Variants in RBFOX3 observed in about 807,000 individuals in gnomAD.
RBFOX3 encodes the protein RNA binding protein fox-1 homolog 3.
A neutral mutation model predicts 48.7 loss-of-function variants in RBFOX3; 17 were observed. The ratio of observed to expected loss-of-function variants is 0.35; its 90% CI spans 0.24 to 0.52. The LOEUF (loss-of-function observed/expected upper bound fraction) is 0.52. RBFOX3 is among the 20% of genes least tolerant of loss of function. The pLI is 0.94. For synonymous variants in RBFOX3, 212 were observed against 209.5 expected (o/e 1.01, Z -0.10); for missense variants, 382 against 497.5 (o/e 0.77, Z 2.21).
chr17:79,469,144 A>G (rs1158916428), intron 2 of RBFOX3, among the ~76,000 whole-genome samples: 3 of 76,674 alleles, frequency 3.9e-5, no homozygotes, highest in African/African-American at 2.7e-4. Context: ...AAATGTAGGG[A>G]AAAAACCCCT....
chr17:79,433,741 C>T (rs1194772215), intron 2 of RBFOX3, among the ~76,000 whole-genome samples: 1 of 151,710 alleles, frequency 6.6e-6, no homozygotes, highest in East Asian at 1.9e-4. Flanking sequence ...GGTGCGGTTG[C>T]TTCTTGACAT....
intron 2 of RBFOX3, among the ~76,000 whole-genome samples, chr17:79,452,933 G>A (rs527375919): frequency 1.3e-4 from 20 of 152,276 alleles, no homozygotes; most frequent in East Asian, 1.9e-4. Context: ...ACGGCCCCCC[G>A]GCCACCTGGA....
At chr17:79,303,140 A>T (rs926738956) in intron 3 of RBFOX3, among the ~76,000 whole-genome samples, 1 of 152,164 alleles carries the variant, frequency 6.6e-6, no homozygotes, top group Admixed American at 6.5e-5. Flanking sequence ...GCCTAGGGGT[A>T]GAGGCTGTAG....
chr17:79,522,541 G>A lies in RBFOX3; in HGVS notation c.-319-39943C>T, dbSNP rs1014212532. Among the ~76,000 whole-genome samples the A allele has an allele frequency of 5.3e-5, 8 of 152,136 alleles. No homozygotes were observed. The East Asian group carries it at 1.6e-3, about 30-fold the overall frequency. On this transcript the variant is annotated intron_variant, in intron 1 of 14. Coordinates refer to ENST00000693108, the MANE Select transcript of RBFOX3 (RefSeq NM_001350451.2). Reference sequence around the variant, plus strand: ...AGAGATCCTTAGTTGTATTAAGACGGCATCACATTTAAAGTCCTCTCACCC... The same window carrying A: ...AGAGATCCTTAGTTGTATTAAGACGACATCACATTTAAAGTCCTCTCACCC...
the RBFOX3 span, among the ~76,000 whole-genome samples, chr17:79,664,768 C>T: frequency 1.3e-5 from 2 of 152,104 alleles, no homozygotes; most frequent in Admixed American, 1.3e-4. Context: ...CATTAGATGA[C>T]ACCTCTTACT....
chr17:79,195,531 C>T lies in RBFOX3; in HGVS notation c.-34+40235G>A, dbSNP rs2055409517. Among the ~76,000 whole-genome samples, 1 of 152,208 alleles carries T rather than the reference C, an allele frequency of 6.6e-6. No individual in the cohort carries two copies. The highest frequency in any genetic ancestry group is 1.5e-5 in the Non-Finnish European group (1 of 68,048). On this transcript the variant is annotated intron_variant, in intron 4 of 14. Coordinates refer to ENST00000693108, the MANE Select transcript of RBFOX3 (RefSeq NM_001350451.2). This position sits in a 1 kb window ranked among gnomAD's most constrained non-coding sequence, Gnocchi z 5.3. ...TCTCCCCATCCCAAAACACAGACAC[C>T]CAGCAAAAGGGTCTGCTCCATTTCA...
the RBFOX3 span, among the ~76,000 whole-genome samples, chr17:79,665,444 G>A: frequency 1.3e-5 from 2 of 152,148 alleles, no homozygotes; most frequent in Non-Finnish European, 2.9e-5. Context: ...GGAGGGGCCT[G>A]GAAACCGACG....
chr17:79,496,254 G>A lies in RBFOX3; in HGVS notation c.-319-13656C>T, dbSNP rs1039722488. On this transcript the variant is annotated intron_variant, in intron 1 of 14. Transcript: ENST00000693108. ...GCCTGGATGGGACTCATTCCTTGGC[G>A]TCCTGTTACAGCAACAGGAATGACC... Among the ~76,000 whole-genome samples, 199 of 152,082 alleles carry A rather than the reference G, an allele frequency of 1.3e-3. 2 individuals carry two copies. The highest frequency in any genetic ancestry group is 4.5e-3 in the African/African-American group (187 of 41,458).
chr17:79,414,785 A>C (rs2065043314), intron 2 of RBFOX3, among the ~76,000 whole-genome samples: 1 of 152,046 alleles, frequency 6.6e-6, no homozygotes. Context: ...GCTGGCGCGA[A>C]CAGGCTCTGG....
chr17:79,092,831 A>G (rs2074230755), intron 14 of RBFOX3, among the ~76,000 whole-genome samples: 1 of 152,190 alleles, frequency 6.6e-6, no homozygotes, highest in Non-Finnish European at 1.5e-5. Flanking sequence ...TGCCTCTGAC[A>G]TAGTGGTCTT....
In RBFOX3 at chr17:79,482,649, T is replaced by C. The variant is rs1380352893; in HGVS notation, c.-319-51A>G. On this transcript the variant is annotated intron_variant, in intron 1 of 14. Coordinates refer to ENST00000693108, the MANE Select transcript of RBFOX3 (RefSeq NM_001350451.2). The surrounding 1 kb of genome is among the most constrained non-coding windows in gnomAD (Gnocchi z 4.1). ...AAAATTGCCTTTGAAGAAAACATCT[T>C]CCTTTTGATCTAAAACAAACATTTG... 2 of 152,070 alleles carry C rather than the reference T, an allele frequency of 1.3e-5. No individual in the cohort carries two copies. The highest frequency in any genetic ancestry group is 1.3e-4 in the Admixed American group (2 of 15,272). 9.4% of individuals were successfully genotyped at this position (152,070 alleles called of 1,614,324 possible).
intron 2 of RBFOX3, among the ~76,000 whole-genome samples, chr17:79,400,618 G>T (rs80023427): frequency 7.5e-6 from 1 of 133,006 alleles, no homozygotes; most frequent in Non-Finnish European, 1.6e-5. Flanking sequence ...GTGAGTTCAC[G>T]TGTGACCCGC....
intron 1 of RBFOX3, among the ~76,000 whole-genome samples, chr17:79,556,132 T>A (rs2091736649): frequency 6.6e-6 from 1 of 152,052 alleles, no homozygotes; most frequent in South Asian, 2.1e-4. Context: ...AAGACCAGGA[T>A]CAGGAGAGCA....
At chr17:79,333,038 T>C (rs1164287219) in intron 2 of RBFOX3, among the ~76,000 whole-genome samples, 6 of 143,684 alleles carry the variant, frequency 4.2e-5, no homozygotes, top group Non-Finnish European at 7.6e-5. Flanking sequence ...GGGAGAGACA[T>C]ATAGATAGAC....
intron 4 of RBFOX3, among the ~76,000 whole-genome samples, chr17:79,148,583 G>A (rs988361605): frequency 6.6e-6 from 1 of 152,250 alleles, no homozygotes; most frequent in Non-Finnish European, 1.5e-5. Flanking sequence ...CTGGGTATCC[G>A]CTTCCTAGTC....
chr17:79,620,629 ACACG>A, the RBFOX3 span, among the ~76,000 whole-genome samples: 7,707 of 23,768 alleles, frequency 0.32, 671 homozygotes, highest in African/African-American at 0.37. Flanking sequence ...GCACATGCAC[ACACG>A]CACACGCACA....
At chr17:79,527,003 A>G (rs2086885867) in intron 1 of RBFOX3, among the ~76,000 whole-genome samples, 1 of 152,196 alleles carries the variant, frequency 6.6e-6, no homozygotes. Context: ...CCCCATGACC[A>G]GTGGCCAATC....
intron 2 of RBFOX3, among the ~76,000 whole-genome samples, chr17:79,335,539 C>G (rs922982802): frequency 6.6e-6 from 1 of 152,196 alleles, no homozygotes; most frequent in African/African-American, 2.4e-5. Flanking sequence ...CTCCAGCCAG[C>G]CTCTCATCTC....
chr17:79,120,753 AATGGATAGATGGGTGG>A (rs1249238436), intron 4 of RBFOX3, among the ~76,000 whole-genome samples: 1 of 121,370 alleles, frequency 8.2e-6, no homozygotes, highest in Non-Finnish European at 1.8e-5. Flanking sequence ...CAGATGGATA[AATGGATAGATGGGTGG>A]ATGGATAGAC....
Sources: gnomAD v4.1 joint callset for allele counts (sites outside exome capture counted in the v4.1 genomes callset) on GRCh38, gnomAD v4.1.1 for gene constraint, Gnocchi (gnomAD v3.1) non-coding constraint, MANE v1.5 for transcripts, NCBI Gene and HGNC (gene_info 2026-07-23, HGNC 2026-07-21) for gene names.